BIRC3: variants seen among roughly 807,000 people sequenced by gnomAD.
BIRC3 encodes the protein baculoviral IAP repeat containing 3, also known as baculoviral IAP repeat-containing protein 3.
A neutral mutation model predicts 59.0 loss-of-function variants in BIRC3; 26 were observed. That is an observed-to-expected ratio of 0.44 (90% confidence interval 0.32 to 0.61). The LOEUF (loss-of-function observed/expected upper bound fraction) is 0.61. Ranked by LOEUF, BIRC3 falls within the 20% of genes least tolerant of loss-of-function variation. The pLI is 0.04. For missense variants in BIRC3, 641 were observed against 711.5 expected (o/e 0.90, Z 1.13); for synonymous variants, 243 against 249.2 (o/e 0.98, Z 0.24).
intron 7 of BIRC3, 30 bp downstream of exon 7, chr11:102,336,250 T>A: frequency 6.4e-7 from 1 of 1,550,980 alleles, no homozygotes; most frequent in Non-Finnish European, 8.7e-7. Flanking sequence ...TTTTAAAAAT[T>A]TTCTAAGTCA....
chr11:102,338,006 G>A lies in BIRC3; in HGVS notation c.*904G>A, dbSNP rs375818758. On this transcript the variant is annotated 3_prime_UTR_variant, in exon 9 of 9. Coordinates refer to ENST00000263464, the MANE Select transcript of BIRC3 (RefSeq NM_001165.5). ...AGTCTCATGCCAGCCCCACCTATTG[G>A]AAGAAGGTCTGAGTTTTATTCTTAT... The A allele has an allele frequency of 3.7e-4, 84 of 226,456 alleles. No homozygotes were observed. In the Middle Eastern group the frequency reaches 0.011, roughly 29 times the overall value. The allele number at this position is 226,456 out of a possible 1,614,324, so 14.0% of individuals were successfully genotyped here.
intron 1 of BIRC3, 22 bp from the exon 2 acceptor site, chr11:102,321,815 C>A: frequency 3.0e-5 from 5 of 165,780 alleles, no homozygotes; most frequent in Admixed American, 6.5e-5. Flanking sequence ...TTAAAACTGT[C>A]TTTTTGTTTG....
chr11:102,319,327 T>G (rs1290806382), intron 1 of BIRC3, among the ~76,000 whole-genome samples: 1 of 152,046 alleles, frequency 6.6e-6, no homozygotes, highest in Admixed American at 6.6e-5. Flanking sequence ...ATTACAGGCA[T>G]GAGCCACCAC....
At chr11:102,318,514 G>A (rs1456264881) in intron 1 of BIRC3, among the ~76,000 whole-genome samples, 1 of 152,220 alleles carries the variant, frequency 6.6e-6, no homozygotes, top group Non-Finnish European at 1.5e-5. Flanking sequence ...GAGTGGGAGG[G>A]CAGGTACAGA....
chr11:102,318,566 G>A (rs1266387850), intron 1 of BIRC3, among the ~76,000 whole-genome samples: 1 of 152,228 alleles, frequency 6.6e-6, no homozygotes, highest in Non-Finnish European at 1.5e-5. Context: ...AGAGCTTACT[G>A]TCTAGCGGGA....
Position 102,323,390 on chromosome 11 carries a change from A to G in BIRC3, c.-1120A>G. 5.2e-6 allele frequency: 1 copy of G among 192,526 alleles called. No individual in the cohort carries two copies. The highest frequency in any genetic ancestry group is 1.1e-5 in the Non-Finnish European group (1 of 91,996). The allele number at this position is 192,526 out of a possible 1,614,324, so 11.9% of individuals were successfully genotyped here. Reference sequence around the variant, plus strand: ...CTTTTTGCAGCACCTGTTGTCTACCATAATTACAGAGGACATTTCCATGTT... The same window carrying G: ...CTTTTTGCAGCACCTGTTGTCTACCGTAATTACAGAGGACATTTCCATGTT... On this transcript the variant is annotated 5_prime_UTR_variant, in exon 2 of 9. Coordinates refer to ENST00000263464, the MANE Select transcript of BIRC3 (RefSeq NM_001165.5).
Position 102,336,984 on chromosome 11 carries a change from C to G in BIRC3, c.1697C>G (p.Ser566Cys). 6.2e-7 allele frequency: 1 copy of G among 1,603,802 alleles called. No individual in the cohort carries two copies. The highest frequency in any genetic ancestry group is 8.5e-7 in the Non-Finnish European group (1 of 1,177,830). The change falls in exon 9 of 9, where the codon TCC (serine) becomes TGC (cysteine). Residue 566 changes from serine to cysteine, a missense_variant. Around this residue, in one of 4 missense-constraint regions of BIRC3, gnomAD observed 41 missense variants for 73.4 expected, o/e 0.56. Coordinates refer to ENST00000263464, the MANE Select transcript of BIRC3 (RefSeq NM_001165.5). Reference protein sequence around the residue: ...TCKVCMDKEVSIVFIPCGHLV... With the variant: ...TCKVCMDKEVCIVFIPCGHLV... ...AAAGTGTGTATGGACAAAGAAGTGT[C>G]CATAGTGTTTATTCCTTGTGGTCAT...
intron 1 of BIRC3, chr11:102,320,043 A>AT (rs1951015077): frequency 6.8e-6 from 1 of 146,916 alleles, no homozygotes; most frequent in African/African-American, 2.5e-5. Flanking sequence ...TTTTTTTTGG[A>AT]TTTTTAGTAG....
rs1951065453 is a variant in BIRC3 at position 102,324,853 on chromosome 11, C to T, written c.344C>T (p.Ser115Phe). 1.9e-6 allele frequency: 3 copies of T among 1,614,096 alleles called. No homozygotes were observed. Among genetic ancestry groups the T allele is most frequent in the Non-Finnish European group, 8.5e-7 (1 of 1,180,036 alleles). The change falls in exon 2 of 9, where the codon TCT (serine) becomes TTT (phenylalanine). Residue 115 changes from serine to phenylalanine, a missense_variant. Coordinates refer to ENST00000263464, the MANE Select transcript of BIRC3 (RefSeq NM_001165.5). ...GCTACCTCTCAGCCTACTTTTCCTT[C>T]TTCAGTAACAAATTCCACACACTCA... The part of the protein sequence containing the change: ...LEATSQPTFP[S>F]SVTNSTHSLL...
rs1159713923 is a variant in BIRC3 at position 102,332,363 on chromosome 11, G to A, written c.1324+1122G>A. ...CTGGAGACTTAAGGAAAACGGAAGGGAATTATATCACAAATGTTGATTTAC... is the reference window on the plus strand; with the variant it reads ...CTGGAGACTTAAGGAAAACGGAAGGAAATTATATCACAAATGTTGATTTAC... On this transcript the variant is annotated intron_variant, in intron 6 of 8. Coordinates refer to ENST00000263464, the MANE Select transcript of BIRC3 (RefSeq NM_001165.5). 2.6e-5 allele frequency among the ~76,000 whole-genome samples: 4 copies of A among 152,170 alleles called. No homozygotes were observed. In the East Asian group the frequency reaches 5.8e-4, roughly 22 times the overall value.
At chr11:102,335,371 G>T (rs1951184857) in intron 6 of BIRC3, among the ~76,000 whole-genome samples, 1 of 152,052 alleles carries the variant, frequency 6.6e-6, no homozygotes, top group Non-Finnish European at 1.5e-5. Flanking sequence ...AATTTTAATG[G>T]GTTCTAAGTT....
rs1356764695 is a variant in BIRC3, at chr11:102,323,699, A to C, written c.-811A>C. On this transcript the variant is annotated 5_prime_UTR_variant, in exon 2 of 9. Transcript: ENST00000263464. ...ATCTCTTTATTTGGAGAGAAATTTTAGATTGTTTTGTTCTCCTTATTAGAA... is the reference window on the plus strand; with the variant it reads ...ATCTCTTTATTTGGAGAGAAATTTTCGATTGTTTTGTTCTCCTTATTAGAA... 5 of 198,786 alleles carry C rather than the reference A, an allele frequency of 2.5e-5. No individual in the cohort carries two copies. The highest frequency in any genetic ancestry group is 5.2e-5 in the Non-Finnish European group (5 of 96,330). 12.3% of individuals were successfully genotyped at this position (198,786 alleles called of 1,614,324 possible).
rs1326185211 is a variant in BIRC3 at position 102,337,767 on chromosome 11, A to G, written c.*665A>G. On this transcript the variant is annotated 3_prime_UTR_variant, in exon 9 of 9. Coordinates refer to ENST00000263464, the MANE Select transcript of BIRC3 (RefSeq NM_001165.5). The stretch of plus-strand genomic sequence containing the variant: ...TTGCTTTATTTCAATGACATTGGAT[A>G]GTTTAGTCACTCCCAGACTCTTTCC... The G allele has an allele frequency of 4.2e-6, 1 of 239,096 alleles. No individual in the cohort carries two copies. Among genetic ancestry groups the G allele is most frequent in the African/African-American group, 2.2e-5 (1 of 45,596 alleles). 14.8% of individuals were successfully genotyped at this position (239,096 alleles called of 1,614,324 possible). A position where few individuals can be genotyped will look rare whatever the true frequency, so the allele number is the denominator to read the frequency against.
In BIRC3 at chr11:102,338,267, G is replaced by T. The variant is rs1262856949; in HGVS notation, c.*1165G>T. 4.4e-6 allele frequency: 1 copy of T among 227,950 alleles called. No homozygotes were observed. Among genetic ancestry groups the T allele is most frequent in the African/African-American group, 2.2e-5 (1 of 45,056 alleles). 14.1% of individuals were successfully genotyped at this position (227,950 alleles called of 1,614,324 possible). On this transcript the variant is annotated 3_prime_UTR_variant, in exon 9 of 9. Coordinates refer to ENST00000263464, the MANE Select transcript of BIRC3 (RefSeq NM_001165.5). ...CTGTAATAGGGAATACTCAGGGGAA[G>T]GCAGGCAAAGGCTAGTCATCTAAAC...
intron 6 of BIRC3, among the ~76,000 whole-genome samples, chr11:102,333,389 C>T (rs1565324689): frequency 6.6e-6 from 1 of 151,590 alleles, no homozygotes; most frequent in Non-Finnish European, 1.5e-5. Context: ...ATAGCAAAAC[C>T]CTGTCTGTAT....
Position 102,337,725 on chromosome 11 carries a change from A to G in BIRC3, c.*623A>G. ...GAAAAAATTTAATAAAGCAACAAAA[A>G]TTACTCTTATTCTTCATTGCTTTAT... On this transcript the variant is annotated 3_prime_UTR_variant, in exon 9 of 9. Transcript: ENST00000263464. 3.8e-6 allele frequency: 1 copy of G among 259,804 alleles called. No homozygotes were observed. The highest frequency in any genetic ancestry group is 7.3e-6 in the Non-Finnish European group (1 of 137,270). The allele number at this position is 259,804 out of a possible 1,614,324, so 16.1% of individuals were successfully genotyped here. A position where few individuals can be genotyped will look rare whatever the true frequency, so the allele number is the denominator to read the frequency against.
intron 7 of BIRC3, chr11:102,336,470 G>A (rs1951197887): frequency 1.8e-6 from 1 of 557,292 alleles, no homozygotes; most frequent in Non-Finnish European, 3.1e-6. Context: ...GTGTATGCCT[G>A]GTAATCCCAG....
At chr11:102,319,273 C>T (rs890645082) in intron 1 of BIRC3, among the ~76,000 whole-genome samples, 5 of 152,032 alleles carry the variant, frequency 3.3e-5, no homozygotes, top group Admixed American at 1.3e-4. Flanking sequence ...GTCTCAGTCT[C>T]CTGACCTCGT....
intron 6 of BIRC3, among the ~76,000 whole-genome samples, chr11:102,333,791 T>C (rs1184668553): frequency 3.9e-5 from 6 of 151,968 alleles, no homozygotes; most frequent in Non-Finnish European, 7.4e-5. Context: ...GGAAGAATGA[T>C]ACTTTAAGAA....
Sources: gnomAD v4.1 joint callset for allele counts (sites outside exome capture counted in the v4.1 genomes callset) on GRCh38, gnomAD v4.1.1 for gene constraint, gnomAD v4.1.1 regional missense constraint, MANE v1.5 for transcripts, NCBI Gene and HGNC (gene_info 2026-07-23, HGNC 2026-07-21) for gene names.